VNN1: variants seen among roughly 807,000 people sequenced by gnomAD.
The protein encoded by VNN1 is vanin 1.
VNN1 carries 29 observed loss-of-function variants against 41.9 expected under a neutral mutation model. The observed-to-expected ratio is 0.69, with a 90% CI of 0.52 to 0.94. The LOEUF is 0.94. Ranked by LOEUF, VNN1 falls within the 40% of genes least tolerant of loss-of-function variation. The pLI is 0.00. For synonymous variants in VNN1, 233 were observed against 224.4 expected, an observed-to-expected ratio of 1.04 and a Z score of -0.34; for missense variants, 637 against 621.1, an observed-to-expected ratio of 1.03 and a Z score of -0.27.
rs926141083 is a variant in VNN1 at position 132,692,344 on chromosome 6, A to G, written c.1067T>C (p.Val356Ala). ...KLTGVAGNYT[V>A]CQKDLCCHLS... ...ATGACAGCAGAGATCTTTCTGACAAACTGTATAATTTCCTGCAACTCCTGT... is the reference window on the plus strand; with the variant it reads ...ATGACAGCAGAGATCTTTCTGACAAGCTGTATAATTTCCTGCAACTCCTGT... The change falls in exon 5 of 7, where the codon GTT (valine) becomes GCT (alanine). Residue 356 changes from valine to alanine, a missense_variant. By Grantham distance (64) the Val-to-Ala change is moderately conservative. Transcript: ENST00000367928. 1 of 1,614,182 alleles carries G rather than the reference A, an allele frequency of 6.2e-7. No homozygotes were observed.
chr6:132,700,319 A>T (rs1027427868), intron 2 of VNN1, among the ~76,000 whole-genome samples: 4 of 141,918 alleles, frequency 2.8e-5, no homozygotes, highest in South Asian at 2.2e-4. Context: ...TTAAAAAAAA[A>T]TTTTCAGAGG....
intron 3 of VNN1, 73 bp downstream of exon 3, chr6:132,693,917 A>G: frequency 6.6e-7 from 1 of 1,519,964 alleles, no homozygotes; most frequent in Non-Finnish European, 9.1e-7. Context: ...CATTATCAAT[A>G]ACATATTTTT....
intron 2 of VNN1, 98 bp downstream of exon 2, chr6:132,711,611 G>A: frequency 2.2e-6 from 3 of 1,372,078 alleles, no homozygotes; most frequent in South Asian, 1.5e-5. Context: ...TGAAACTTAA[G>A]AATTGATCAT....
intron 2 of VNN1, among the ~76,000 whole-genome samples, chr6:132,709,382 A>G (rs1332962889): frequency 6.6e-6 from 1 of 152,180 alleles, no homozygotes; most frequent in Non-Finnish European, 1.5e-5. Context: ...GAGTTAATAA[A>G]TTAAGGCAGC....
chr6:132,697,142 A>G (rs1278147589), intron 2 of VNN1, among the ~76,000 whole-genome samples: 1 of 152,086 alleles, frequency 6.6e-6, no homozygotes, highest in African/African-American at 2.4e-5. Context: ...TAAAAAAAGA[A>G]AGAAAGAAGG....
intron 1 of VNN1, among the ~76,000 whole-genome samples, chr6:132,712,556 T>C (rs974801698): frequency 1.3e-5 from 2 of 152,222 alleles, no homozygotes; most frequent in Non-Finnish European, 2.9e-5. Flanking sequence ...GAACTTTCGC[T>C]GATGACTGTG....
At chr6:132,693,408 T>G (rs529275940) in intron 3 of VNN1, 93 bp from the exon 4 acceptor site, 1 of 1,254,820 alleles carries the variant, frequency 8.0e-7, no homozygotes, top group African/African-American at 1.5e-5. Context: ...CACATCTTAG[T>G]GCCAATTTCA....
intron 2 of VNN1, among the ~76,000 whole-genome samples, chr6:132,700,689 C>G (rs1452085978): frequency 6.6e-6 from 1 of 152,122 alleles, no homozygotes; most frequent in Non-Finnish European, 1.5e-5. Context: ...TCACACATCT[C>G]CATTTAAATT....
intron 4 of VNN1, 35 bp from the exon 5 acceptor site, chr6:132,692,619 T>G: frequency 6.6e-7 from 1 of 1,521,740 alleles, no homozygotes; most frequent in Non-Finnish European, 8.7e-7. Context: ...CATTTGAAAT[T>G]GGAAAGTAAA....
chr6:132,693,321 AT>A lies in VNN1; in HGVS notation c.535-7del. 1 of 1,590,542 alleles carries A rather than the reference AT, an allele frequency of 6.3e-7. No homozygotes were observed. The highest frequency in any genetic ancestry group is 8.5e-7 in the Non-Finnish European group (1 of 1,169,756). On this transcript the variant is annotated splice_region_variant and splice_polypyrimidine_tract_variant and intron_variant, in intron 3 of 6. Transcript: ENST00000367928. ...TCACCCATGAAAAGGTTTTGCTGCA[AT>A]AAACAGAAGATAAAGAGAAAAAAAT... is the stretch of plus-strand genomic sequence containing the variant.
Position 132,695,020 on chromosome 6 carries a change from C to T in VNN1, c.342-838G>A, listed in dbSNP as rs144731414. Among the ~76,000 whole-genome samples, 695 of 152,100 alleles carry T rather than the reference C, an allele frequency of 4.6e-3. 2 individuals are homozygous for T. Among genetic ancestry groups the T allele is most frequent in the Non-Finnish European group, 7.8e-3 (529 of 67,992 alleles). ...ATACAAAATTAGCTGGGCCTGGTGG[C>T]GTGCGCCTATAATCCCAGCTACTCA... On this transcript the variant is annotated intron_variant, in intron 2 of 6. Transcript: ENST00000367928.
chr6:132,687,643 G>C (rs964647308), intron 5 of VNN1, among the ~76,000 whole-genome samples: 1 of 152,066 alleles, frequency 6.6e-6, no homozygotes, highest in African/African-American at 2.4e-5. Flanking sequence ...AGCTAAGAGA[G>C]CATTCCTAGG....
intron 5 of VNN1, among the ~76,000 whole-genome samples, chr6:132,691,703 G>T (rs1778286893): frequency 6.6e-6 from 1 of 152,064 alleles, no homozygotes; most frequent in Non-Finnish European, 1.5e-5. Flanking sequence ...AGGTTTCAAG[G>T]TTTAGCAAAT....
At chr6:132,696,245 C>T (rs1171870198) in intron 2 of VNN1, among the ~76,000 whole-genome samples, 1 of 152,026 alleles carries the variant, frequency 6.6e-6, no homozygotes, top group Non-Finnish European at 1.5e-5. Flanking sequence ...AAAAAAGAAA[C>T]AGTGAACTGG....
chr6:132,689,607 T>C (rs934434215), intron 5 of VNN1, among the ~76,000 whole-genome samples: 1 of 152,236 alleles, frequency 6.6e-6, no homozygotes, highest in Non-Finnish European at 1.5e-5. Context: ...TAATTGTATT[T>C]GCAGGTTTCT....
At chr6:132,688,595 C>T (rs1406833150) in intron 5 of VNN1, among the ~76,000 whole-genome samples, 1 of 152,108 alleles carries the variant, frequency 6.6e-6, no homozygotes, top group African/African-American at 2.4e-5. Flanking sequence ...TAAGAGATTA[C>T]TCTCTTGTTT....
Position 132,685,524 on chromosome 6 carries a change from A to G in VNN1, c.1189-1019T>C, listed in dbSNP as rs568213678. On this transcript the variant is annotated intron_variant, in intron 5 of 6. Coordinates refer to ENST00000367928, the MANE Select transcript of VNN1 (RefSeq NM_004666.3). ...AGAACACTATTTTTTTTAACCCACA[A>G]AGGTAGGAAAATAGGAGGATAGACC... 1.4e-3 allele frequency among the ~76,000 whole-genome samples: 208 copies of G among 152,276 alleles called. 4 individuals carry two copies. Among genetic ancestry groups the G allele is most frequent in the African/African-American group, 4.7e-3 (197 of 41,548 alleles).
chr6:132,711,687 T>A, intron 2 of VNN1, 22 bp downstream of exon 2: 1 of 1,605,574 alleles, frequency 6.2e-7, no homozygotes, highest in Non-Finnish European at 8.5e-7. Context: ...ACTAGTGAAT[T>A]TTTCACAAGT....
At chr6:132,692,919 G>A (rs1198273227) in intron 4 of VNN1, 105 bp downstream of exon 4, 3 of 1,276,474 alleles carry the variant, frequency 2.4e-6, no homozygotes, top group African/African-American at 1.5e-5. Context: ...ATTAAGAGCT[G>A]GAAAACATTG....
Sources: gnomAD v4.1 joint callset for allele counts (sites outside exome capture counted in the v4.1 genomes callset) on GRCh38, gnomAD v4.1.1 for gene constraint, MANE v1.5 for transcripts, NCBI Gene and HGNC (gene_info 2026-07-23, HGNC 2026-07-21) for gene names.